Variants in ZMYM4 observed in about 807,000 individuals in gnomAD.
The protein encoded by ZMYM4 is zinc finger MYM-type protein 4.
Under a neutral mutation model 183.2 loss-of-function variants are expected in ZMYM4, and 31 were observed. The observed-to-expected ratio is 0.17, with a 90% CI of 0.13 to 0.23. The LOEUF is 0.23. Ranked by LOEUF, ZMYM4 falls within the 10% of genes least tolerant of loss-of-function variation. The pLI is 1.00. For missense variants in ZMYM4, 1,273 were observed against 1,840.3 expected, an observed-to-expected ratio of 0.69 and a Z score of 5.64; for synonymous variants, 592 against 631.2, an observed-to-expected ratio of 0.94 and a Z score of 0.93.
chr1:35,342,738 A>C (rs1643248998), intron 2 of ZMYM4, among the ~76,000 whole-genome samples: 1 of 151,744 alleles, frequency 6.6e-6, no homozygotes. Context: ...TGGTGTGATC[A>C]TGGCTCACTG....
At chr1:35,365,648 T>A (rs1421048424) in intron 5 of ZMYM4, among the ~76,000 whole-genome samples, 1 of 152,198 alleles carries the variant, frequency 6.6e-6, no homozygotes, top group Non-Finnish European at 1.5e-5. Context: ...TAAAATACTT[T>A]CATGGGATAT....
In ZMYM4 at chr1:35,420,208, A is replaced by G. The variant is rs994251060; in HGVS notation, c.*531A>G. The stretch of plus-strand genomic sequence containing the variant: ...AAAGATAGTGAAGTGGTCTTGATTG[A>G]TTTTGATTTTCACTGCCAAGCCAAT... On this transcript the variant is annotated 3_prime_UTR_variant, in exon 30 of 30. Coordinates refer to ENST00000314607, the MANE Select transcript of ZMYM4 (RefSeq NM_005095.3). The G allele has an allele frequency of 6.4e-6, 1 of 157,130 alleles. No individual in the cohort carries two copies. The highest frequency in any genetic ancestry group is 2.4e-5 in the African/African-American group (1 of 41,462). The allele number at this position is 157,130 out of a possible 1,614,324, so 9.7% of individuals were successfully genotyped here.
intron 1 of ZMYM4, among the ~76,000 whole-genome samples, chr1:35,291,088 C>T (rs560521979): frequency 6.6e-6 from 1 of 152,068 alleles, no homozygotes; most frequent in South Asian, 2.1e-4. Context: ...AGATGCAGTA[C>T]ATTTTCATTT....
intron 12 of ZMYM4, 80 bp from the exon 13 acceptor site, chr1:35,387,374 G>A (rs1042793312): frequency 6.4e-7 from 1 of 1,568,516 alleles, no homozygotes; most frequent in African/African-American, 1.4e-5. Flanking sequence ...CATACCATTT[G>A]TTTTGAAAGT....
chr1:35,276,792 C>T (rs542802074), intron 1 of ZMYM4, among the ~76,000 whole-genome samples: 15 of 151,988 alleles, frequency 9.9e-5, no homozygotes, highest in African/African-American at 2.7e-4. Context: ...TTTTTAGTAG[C>T]GACAGGGTTT....
chr1:35,311,604 C>CA (rs1162823146), intron 1 of ZMYM4, among the ~76,000 whole-genome samples: 5 of 144,190 alleles, frequency 3.5e-5, no homozygotes, highest in South Asian at 2.2e-4. Context: ...GACTGTGTCT[C>CA]AAAAAAAAAA....
intron 11 of ZMYM4, among the ~76,000 whole-genome samples, chr1:35,386,783 G>A (rs74924892): frequency 0.013 from 2,053 of 152,204 alleles, 50 homozygotes; most frequent in African/African-American, 0.047. Flanking sequence ...TCTATTGGGA[G>A]GATATTATTT....
chr1:35,291,380 C>G (rs527366315), intron 1 of ZMYM4, among the ~76,000 whole-genome samples: 23 of 151,920 alleles, frequency 1.5e-4, no homozygotes, highest in Non-Finnish European at 2.8e-4. Flanking sequence ...ACATCAGCTT[C>G]ATTTTCTTAA....
At chr1:35,336,363 CAT>C (rs1276547050) in intron 2 of ZMYM4, among the ~76,000 whole-genome samples, 2 of 151,574 alleles carry the variant, frequency 1.3e-5, no homozygotes, top group Non-Finnish European at 2.9e-5. Flanking sequence ...CATTCTGACA[CAT>C]GTTGTAACAT....
chr1:35,315,931 A>G (rs1642025082), intron 1 of ZMYM4, among the ~76,000 whole-genome samples: 1 of 151,582 alleles, frequency 6.6e-6, no homozygotes, highest in African/African-American at 2.4e-5. Context: ...GTCTGGGGGA[A>G]AAAAAAAATT....
intron 18 of ZMYM4, among the ~76,000 whole-genome samples, 198 bp from the exon 19 acceptor site, chr1:35,396,354 C>T (rs1325740169): frequency 6.6e-6 from 1 of 152,134 alleles, no homozygotes; most frequent in African/African-American, 2.4e-5. Context: ...ATATTTGTTA[C>T]CCACTTTTTG....
chr1:35,369,113 C>CA (rs1314866825), intron 5 of ZMYM4, among the ~76,000 whole-genome samples: 1 of 151,646 alleles, frequency 6.6e-6, no homozygotes, highest in South Asian at 2.1e-4. Context: ...CTCCCCATCA[C>CA]AAAAAAAGGA....
At chr1:35,270,688 A>G (rs1639551928) in intron 1 of ZMYM4, among the ~76,000 whole-genome samples, 1 of 151,332 alleles carries the variant, frequency 6.6e-6, no homozygotes, top group East Asian at 1.9e-4. Flanking sequence ...TGAACCTGGG[A>G]GGCGGTGGTA....
chr1:35,346,993 G>A (rs1345021813), intron 2 of ZMYM4, among the ~76,000 whole-genome samples: 1 of 152,018 alleles, frequency 6.6e-6, no homozygotes, highest in Admixed American at 6.6e-5. Context: ...GTTTAATTAG[G>A]ACTTCTTCTA....
chr1:35,413,389 A>G (rs1384147688), intron 26 of ZMYM4, among the ~76,000 whole-genome samples: 1 of 152,198 alleles, frequency 6.6e-6, no homozygotes, highest in African/African-American at 2.4e-5. Context: ...ATGGTTGTTA[A>G]TGGTTATAAT....
intron 1 of ZMYM4, chr1:35,309,040 AT>A: frequency 1.0e-6 from 1 of 985,422 alleles, no homozygotes; most frequent in Non-Finnish European, 1.2e-6. Flanking sequence ...TGGTATGTGA[AT>A]TTGGGGAGAA....
chr1:35,279,505 G>A (rs1640037900), intron 1 of ZMYM4, among the ~76,000 whole-genome samples: 1 of 152,132 alleles, frequency 6.6e-6, no homozygotes, highest in Non-Finnish European at 1.5e-5. Flanking sequence ...CTGCTCTCTA[G>A]AACACACTTT....
At chr1:35,289,639 A>G (rs1640664199) in intron 1 of ZMYM4, among the ~76,000 whole-genome samples, 1 of 152,202 alleles carries the variant, frequency 6.6e-6, no homozygotes, top group South Asian at 2.1e-4. Flanking sequence ...ATTATGGACC[A>G]GGTAATTCTT....
chr1:35,320,714 G>A (rs1642244895), intron 1 of ZMYM4, among the ~76,000 whole-genome samples: 1 of 152,216 alleles, frequency 6.6e-6, no homozygotes, highest in African/African-American at 2.4e-5. Flanking sequence ...CAGAATTGAA[G>A]TGAATTATAG....
Sources: allele counts gnomAD v4.1 joint callset (sites outside exome capture counted in the v4.1 genomes callset), GRCh38; gene constraint gnomAD v4.1.1; transcripts MANE v1.5; gene names NCBI Gene and HGNC (gene_info 2026-07-23, HGNC 2026-07-21).